Variants in CALN1 observed in about 807,000 individuals in gnomAD.
CALN1 encodes calcium-binding protein 8.
In CALN1, 17 loss-of-function variants were observed where a neutral mutation model predicts 30.6. The observed-to-expected ratio is 0.56, with a 90% CI of 0.38 to 0.83. The LOEUF is 0.83. Ranked by LOEUF, CALN1 falls within the 40% of genes least tolerant of loss-of-function variation. The pLI is 0.00. For missense variants in CALN1, 291 were observed against 354.9 expected (o/e 0.82, Z 1.45); for synonymous variants, 156 against 131.4 (o/e 1.19, Z -1.28).
At chr7:72,370,334 C>G (rs1199716353) in intron 2 of CALN1, among the ~76,000 whole-genome samples, 1 of 152,078 alleles carries the variant, frequency 6.6e-6, no homozygotes, top group Non-Finnish European at 1.5e-5. Context: ...AATTGGTAGT[C>G]TGTTTCCTTA....
At chr7:72,017,476 G>A (rs1168588053) in intron 5 of CALN1, among the ~76,000 whole-genome samples, 1 of 152,098 alleles carries the variant, frequency 6.6e-6, no homozygotes, top group Non-Finnish European at 1.5e-5. Flanking sequence ...TCAGGCTAGG[G>A]TAATTTACAA....
intron 4 of CALN1, among the ~76,000 whole-genome samples, chr7:72,056,914 C>A (rs1223527284): frequency 2.0e-5 from 3 of 151,962 alleles, no homozygotes; most frequent in Non-Finnish European, 4.4e-5. Flanking sequence ...CCCCAGTATG[C>A]AATGTTATTT....
chr7:71,886,168 A>G (rs1792889739), intron 5 of CALN1, among the ~76,000 whole-genome samples: 1 of 152,248 alleles, frequency 6.6e-6, no homozygotes, highest in African/African-American at 2.4e-5. Flanking sequence ...GAAAGGAGTG[A>G]TTCATCATTT....
the CALN1 span, among the ~76,000 whole-genome samples, chr7:72,463,932 G>A: frequency 8.4e-6 from 1 of 119,606 alleles, no homozygotes; most frequent in East Asian, 3.0e-4. Flanking sequence ...TTCAAGATCA[G>A]CCTAAACAAC....
At chr7:72,464,539 CCT>C in the CALN1 span, among the ~76,000 whole-genome samples, 2 of 152,194 alleles carry the variant, frequency 1.3e-5, no homozygotes, top group Non-Finnish European at 2.9e-5. Context: ...TCCTCTTCTC[CCT>C]GTTCCGTGTG....
intron 2 of CALN1, among the ~76,000 whole-genome samples, chr7:72,395,014 T>C (rs1805825076): frequency 6.6e-6 from 1 of 152,196 alleles, no homozygotes; most frequent in Non-Finnish European, 1.5e-5. Context: ...ACTGCACATC[T>C]GCGTATGTGT....
At chr7:72,435,589 CGCGGAGAG>C (rs1413115016) in intron 1 of CALN1, among the ~76,000 whole-genome samples, 2 of 152,132 alleles carry the variant, frequency 1.3e-5, no homozygotes, top group African/African-American at 4.8e-5. Flanking sequence ...CAGCAGCCAG[CGCGGAGAG>C]GCCAGCAGCG....
intron 5 of CALN1, among the ~76,000 whole-genome samples, chr7:71,836,614 C>G (rs1007750085): frequency 7.5e-5 from 11 of 146,140 alleles, no homozygotes; most frequent in Non-Finnish European, 1.5e-4. Flanking sequence ...CATTATTTCT[C>G]TCTGTCTCTT....
At chr7:72,254,874 C>A (rs369704519) in intron 3 of CALN1, among the ~76,000 whole-genome samples, 1 of 152,114 alleles carries the variant, frequency 6.6e-6, no homozygotes. Flanking sequence ...TCAAGCAATT[C>A]TCCTGCCTCA....
chr7:72,240,851 T>C (rs767654880), intron 3 of CALN1, among the ~76,000 whole-genome samples: 1 of 152,212 alleles, frequency 6.6e-6, no homozygotes, highest in Non-Finnish European at 1.5e-5. Flanking sequence ...GAGTGTATCA[T>C]GCTTTTCTGC....
At chr7:72,308,777 C>T (rs1799839346) in intron 2 of CALN1, among the ~76,000 whole-genome samples, 1 of 152,034 alleles carries the variant, frequency 6.6e-6, no homozygotes, top group Non-Finnish European at 1.5e-5. Flanking sequence ...ACCTCAAGGT[C>T]GGTGGGGGCA....
intron 3 of CALN1, among the ~76,000 whole-genome samples, chr7:72,274,445 T>C (rs1278563202): frequency 6.6e-6 from 1 of 151,162 alleles, no homozygotes; most frequent in East Asian, 1.9e-4. Flanking sequence ...GAGGTGGAGG[T>C]TGCAGTGAGC....
intron 4 of CALN1, among the ~76,000 whole-genome samples, chr7:72,083,913 T>C (rs1805316853): frequency 6.6e-6 from 1 of 151,738 alleles, no homozygotes; most frequent in Non-Finnish European, 1.5e-5. Flanking sequence ...GGGAAAGACA[T>C]ACTACATAAC....
intron 3 of CALN1, among the ~76,000 whole-genome samples, chr7:72,177,858 C>G (rs1035425196): frequency 1.3e-5 from 2 of 152,048 alleles, no homozygotes; most frequent in Non-Finnish European, 2.9e-5. Context: ...TCCTTATTTC[C>G]CTTCTAGCAT....
chr7:72,360,982 C>T (rs377609517), intron 2 of CALN1, among the ~76,000 whole-genome samples: 34 of 152,158 alleles, frequency 2.2e-4, no homozygotes, highest in African/African-American at 8.2e-4. Context: ...CTGCCTTGGG[C>T]TCCAAAAGTG....
the CALN1 span, among the ~76,000 whole-genome samples, chr7:72,453,287 G>A: frequency 2.1e-3 from 318 of 152,384 alleles, 3 homozygotes; most frequent in African/African-American, 7.4e-3. Context: ...CTGCATAGCA[G>A]GGCTACCCCA....
chr7:72,451,209 A>AAGG (rs546106123), upstream of CALN1, among the ~76,000 whole-genome samples: 3,725 of 125,950 alleles, frequency 0.03, 189 homozygotes, highest in East Asian at 0.25. Flanking sequence ...GAAGAAGAAG[A>AAGG]AGGAGGAGGA....
At chr7:71,937,498 T>C (rs923644200) in intron 5 of CALN1, among the ~76,000 whole-genome samples, 1 of 152,064 alleles carries the variant, frequency 6.6e-6, no homozygotes, top group African/African-American at 2.4e-5. Flanking sequence ...CAGGTATATA[T>C]GTATAAAACT....
chr7:71,974,288 C>T (rs552987934), intron 5 of CALN1, among the ~76,000 whole-genome samples: 17 of 151,844 alleles, frequency 1.1e-4, no homozygotes, highest in Admixed American at 7.2e-4. Flanking sequence ...CATGGTGGTA[C>T]GTGCCTGTGA....
Sources: gnomAD v4.1 joint callset for allele counts (sites outside exome capture counted in the v4.1 genomes callset) on GRCh38, gnomAD v4.1.1 for gene constraint, MANE v1.5 for transcripts, NCBI Gene and HGNC (gene_info 2026-07-23, HGNC 2026-07-21) for gene names.